The following MEF2C variants were observed in gnomAD, a reference collection of about 807,000 sequenced individuals.
MEF2C encodes myocyte-specific enhancer factor 2C.
Under a neutral mutation model 50.5 loss-of-function variants are expected in MEF2C, and 6 were observed. The ratio of observed to expected loss-of-function variants is 0.12; its 90% CI spans 0.07 to 0.23. The LOEUF is 0.23. Among genes scored for constraint, MEF2C ranks in the 10% least tolerant of loss-of-function variants. The pLI is 1.00. For missense variants in MEF2C, 276 were observed against 605.0 expected (o/e 0.46, Z 5.70); for synonymous variants, 183 against 228.0 (o/e 0.80, Z 1.78).
intron 6 of MEF2C, chr5:88,743,244 T>A: frequency 1.0e-6 from 1 of 984,470 alleles, no homozygotes; most frequent in Non-Finnish European, 1.2e-6. Context: ...TCTTAAGTTA[T>A]GTTTTCCTGG....
At chr5:88,735,094 GTGATATAGAAACCTA>G (rs1763543964) in intron 6 of MEF2C, 1 of 985,244 alleles carries the variant, frequency 1.0e-6, no homozygotes, top group Admixed American at 6.2e-5. Context: ...TCCTAAACCA[GTGATATAGAAACCTA>G]TGATTTGAAA....
chr5:88,890,652 G>T (rs9293505), intron 1 of MEF2C, among the ~76,000 whole-genome samples: 11,205 of 152,084 alleles, frequency 0.074, 874 homozygotes, highest in African/African-American at 0.2. Flanking sequence ...CAAAATGAAT[G>T]CTGGTTAAAA....
intron 2 of MEF2C, 117 bp from the exon 3 acceptor site, chr5:88,804,918 G>A (rs1580992131): frequency 4.3e-6 from 3 of 690,238 alleles, no homozygotes; most frequent in Middle Eastern, 6.2e-4. Context: ...AGAGCCCTGG[G>A]CACTAACACA....
At chr5:88,869,252 C>CAAAT (rs1828403099) in intron 1 of MEF2C, among the ~76,000 whole-genome samples, 1 of 89,980 alleles carries the variant, frequency 1.1e-5, no homozygotes, top group African/African-American at 4.3e-5. Flanking sequence ...AACTAGTTTT[C>CAAAT]ATATATATAT....
intron 3 of MEF2C, among the ~76,000 whole-genome samples, chr5:88,789,064 GCA>G (rs1792451314): frequency 1.3e-5 from 2 of 151,946 alleles, no homozygotes; most frequent in Admixed American, 1.3e-4. Context: ...ATAGTAATAT[GCA>G]CACTTTTATT....
At chr5:88,775,817 T>C (rs1362338518) in intron 3 of MEF2C, 2 of 984,198 alleles carry the variant, frequency 2.0e-6, no homozygotes, top group Non-Finnish European at 2.4e-6. Context: ...AACTGAAAAA[T>C]GGAAGGGTAT....
At chr5:88,893,424 T>C (rs2150253578) in intron 1 of MEF2C, among the ~76,000 whole-genome samples, 1 of 151,944 alleles carries the variant, frequency 6.6e-6, no homozygotes, top group East Asian at 1.9e-4. Flanking sequence ...GGTTTCAACA[T>C]GTTGGCCAGG....
chr5:88,890,585 A>G (rs544597222), intron 1 of MEF2C, among the ~76,000 whole-genome samples: 2 of 152,208 alleles, frequency 1.3e-5, no homozygotes, highest in Non-Finnish European at 2.9e-5. Flanking sequence ...GGACAGCGAC[A>G]TGTCAAACGT....
At chr5:88,736,147 C>T in intron 6 of MEF2C, 3 of 985,398 alleles carry the variant, frequency 3.0e-6, no homozygotes, top group Non-Finnish European at 3.6e-6. Context: ...ATGCCTGTCT[C>T]TACTTCCACT....
At chr5:88,745,971 G>C (rs1183205841) in intron 6 of MEF2C, among the ~76,000 whole-genome samples, 2 of 152,200 alleles carry the variant, frequency 1.3e-5, no homozygotes, top group Non-Finnish European at 2.9e-5. Context: ...GATGCTTTTT[G>C]TAGAGTGCAC....
At chr5:88,828,706 G>C (rs376425551) in intron 1 of MEF2C, among the ~76,000 whole-genome samples, 2 of 151,948 alleles carry the variant, frequency 1.3e-5, no homozygotes, top group East Asian at 3.9e-4. Flanking sequence ...TTTCTATTTT[G>C]TGATTTGTTT....
At chr5:88,875,008 T>A (rs774285067) in intron 1 of MEF2C, among the ~76,000 whole-genome samples, 10 of 151,948 alleles carry the variant, frequency 6.6e-5, no homozygotes, top group Non-Finnish European at 1.3e-4. Flanking sequence ...AAAGGAGCCA[T>A]GGCAGCTAGA....
At chr5:88,780,987 G>C in intron 3 of MEF2C, 1 of 969,070 alleles carries the variant, frequency 1.0e-6, no homozygotes, top group Non-Finnish European at 1.2e-6. Context: ...AGAGAACTTG[G>C]GCAAGCCCCT....
At chr5:88,763,728 T>G (rs1778835015) in intron 3 of MEF2C, among the ~76,000 whole-genome samples, 1 of 151,924 alleles carries the variant, frequency 6.6e-6, no homozygotes, top group African/African-American at 2.4e-5. Context: ...GGTCATAGCT[T>G]ACTGCAGCCT....
intron 6 of MEF2C, 72 bp from the exon 7 acceptor site, chr5:88,731,973 T>A: frequency 7.2e-7 from 1 of 1,381,156 alleles, no homozygotes; most frequent in Non-Finnish European, 9.8e-7. Context: ...ATACACAACA[T>A]GAGAATAAAA....
intron 6 of MEF2C, among the ~76,000 whole-genome samples, chr5:88,745,518 C>A (rs1439542332): frequency 6.6e-6 from 1 of 152,228 alleles, no homozygotes; most frequent in Admixed American, 6.5e-5. Flanking sequence ...CAATTAAGAG[C>A]ACACACTGAG....
intron 3 of MEF2C, among the ~76,000 whole-genome samples, chr5:88,800,951 TTG>T (rs2153045889): frequency 6.6e-6 from 1 of 152,310 alleles, no homozygotes; most frequent in East Asian, 1.9e-4. Flanking sequence ...TGTTAAGCCT[TTG>T]TGAGTCTTTG....
chr5:88,841,614 A>G (rs1817416939), intron 1 of MEF2C, among the ~76,000 whole-genome samples: 1 of 152,060 alleles, frequency 6.6e-6, no homozygotes, highest in Non-Finnish European at 1.5e-5. Context: ...TTTGTTTCTT[A>G]GTATCAATGG....
Position 88,802,444 on chromosome 5 carries a change from T to G in MEF2C, c.258+2154A>C, listed in dbSNP as rs186943279. On this transcript the variant is annotated intron_variant, in intron 3 of 10. Transcript: ENST00000504921. ...TCATACAATATATGAAGTGGGTTTT[T>G]TTGTTGTTGTTGTTGTTAAACAGAC... is the stretch of plus-strand genomic sequence containing the variant. Among the ~76,000 whole-genome samples, 547 of 152,298 alleles carry G rather than the reference T, an allele frequency of 3.6e-3. 3 individuals carry two copies. Among genetic ancestry groups the G allele is most frequent in the Admixed American group, 0.01 (156 of 15,304 alleles).
Sources: gnomAD v4.1 joint callset for allele counts (sites outside exome capture counted in the v4.1 genomes callset) on GRCh38, gnomAD v4.1.1 for gene constraint, MANE v1.5 for transcripts, NCBI Gene and HGNC (gene_info 2026-07-23, HGNC 2026-07-21) for gene names.